Variants in ANO6 observed in about 807,000 individuals in gnomAD.
ANO6 encodes the protein anoctamin 6, also known as anoctamin-6.
Under a neutral mutation model 117.5 loss-of-function variants are expected in ANO6, and 106 were observed. The ratio of observed to expected loss-of-function variants is 0.90; its 90% CI spans 0.77 to 1.06. The LOEUF (loss-of-function observed/expected upper bound fraction) is 1.06. Ranked by LOEUF, ANO6 falls within the 50% of genes least tolerant of loss-of-function variation. The pLI, the probability that ANO6 is intolerant of heterozygous loss-of-function variation, is 0.00. For missense variants in ANO6, 955 were observed against 1,121.1 expected (o/e 0.85, Z 2.12); for synonymous variants, 367 against 385.1 (o/e 0.95, Z 0.55).
At chr12:45,218,385 T>C (rs561312872) in intron 1 of ANO6, among the ~76,000 whole-genome samples, 367 of 147,710 alleles carry the variant, frequency 2.5e-3, no homozygotes, top group African/African-American at 8.7e-3. Flanking sequence ...TGTTTCTTTC[T>C]TTCTCTTTTT....
intron 2 of ANO6, among the ~76,000 whole-genome samples, chr12:45,309,322 T>C (rs1939775087): frequency 6.6e-6 from 1 of 152,036 alleles, no homozygotes; most frequent in South Asian, 2.1e-4. Flanking sequence ...AGCTGGGAAT[T>C]TGGAAATTAT....
Position 45,429,053 on chromosome 12 carries a change from G to A in ANO6, c.2527-52G>A, listed in dbSNP as rs1943572458. The A allele has an allele frequency of 2.6e-5, 42 of 1,595,614 alleles. 1 individual carries two copies. The highest frequency in any genetic ancestry group is 2.0e-4 in the South Asian group (18 of 89,074). On this transcript the variant is annotated intron_variant, in intron 19 of 19. Coordinates refer to ENST00000320560, the MANE Select transcript of ANO6 (RefSeq NM_001025356.3). ...GACAAGCAAGAATGAAAGGAACTCG[G>A]TGTTCTCCTCCATTTCTTTGTGAGT...
At chr12:45,434,671 G>C (rs1306704897), downstream of ANO6, among the ~76,000 whole-genome samples, 1 of 152,102 alleles carries the variant, frequency 6.6e-6, no homozygotes, top group Non-Finnish European at 1.5e-5. Flanking sequence ...TTAACAGAAG[G>C]CTCCCTGTCC....
At chr12:45,423,537 A>C (rs894090696) in intron 19 of ANO6, among the ~76,000 whole-genome samples, 3 of 152,230 alleles carry the variant, frequency 2.0e-5, no homozygotes, top group African/African-American at 4.8e-5. Context: ...TCAGAGTTTA[A>C]TTGCTTAATT....
At chr12:45,290,984 A>C (rs2137276515) in intron 1 of ANO6, among the ~76,000 whole-genome samples, 1 of 152,322 alleles carries the variant, frequency 6.6e-6, no homozygotes, top group Non-Finnish European at 1.5e-5. Context: ...AAATAAACCC[A>C]CATGTCAATG....
intron 1 of ANO6, among the ~76,000 whole-genome samples, chr12:45,242,698 C>T (rs1216618469): frequency 3.9e-5 from 6 of 152,162 alleles, no homozygotes; most frequent in Admixed American, 2.6e-4. Flanking sequence ...CCTATTCGGC[C>T]GTCTTGGAAC....
exon 20 of ANO6, chr12:45,439,952 T>G: frequency 2.1e-6 from 3 of 1,461,552 alleles, no homozygotes; most frequent in Non-Finnish European, 2.7e-6. Flanking sequence ...TATTCAATAA[T>G]TCATTCAACA....
chr12:45,336,606 C>T (rs1286454479), intron 3 of ANO6, among the ~76,000 whole-genome samples: 2 of 151,964 alleles, frequency 1.3e-5, no homozygotes, highest in Admixed American at 6.6e-5. Context: ...CTGGTATAAA[C>T]AAACCTATTA....
intron 1 of ANO6, among the ~76,000 whole-genome samples, chr12:45,265,253 C>T (rs1938176920): frequency 6.6e-6 from 1 of 152,064 alleles, no homozygotes; most frequent in Non-Finnish European, 1.5e-5. Flanking sequence ...TCTCTTCCTC[C>T]CGTGTTGGAT....
intron 8 of ANO6, among the ~76,000 whole-genome samples, chr12:45,364,417 G>T (rs1299941515): frequency 6.6e-6 from 1 of 152,008 alleles, no homozygotes; most frequent in Non-Finnish European, 1.5e-5. Context: ...TTTTCTCTGG[G>T]ACTTCTATAA....
chr12:45,291,346 C>CAAAAAAAAAAAAA (rs747924513), intron 1 of ANO6, among the ~76,000 whole-genome samples: 1 of 48,232 alleles, frequency 2.1e-5, no homozygotes, highest in African/African-American at 8.2e-5. Context: ...AACTCCGTCT[C>CAAAAAAAAAAAAA]AAAAAAAAAA....
chr12:45,438,659 T>C (rs1347321499), intron 19 of ANO6, among the ~76,000 whole-genome samples: 5 of 152,150 alleles, frequency 3.3e-5, no homozygotes, highest in Non-Finnish European at 7.4e-5. Flanking sequence ...TATGTAAATA[T>C]TTCAAAATTC....
intron 1 of ANO6, among the ~76,000 whole-genome samples, chr12:45,295,643 C>T (rs1220704635): frequency 6.6e-6 from 1 of 152,062 alleles, no homozygotes; most frequent in East Asian, 1.9e-4. Flanking sequence ...CTCACTGCAA[C>T]CTCTGCTTCC....
chr12:45,377,820 C>T (rs1489949590), intron 9 of ANO6, among the ~76,000 whole-genome samples: 3 of 152,158 alleles, frequency 2.0e-5, no homozygotes, highest in Admixed American at 6.6e-5. Context: ...TGCAGAGTTT[C>T]ACTGGAAAAT....
intron 7 of ANO6, among the ~76,000 whole-genome samples, chr12:45,352,286 C>G (rs1941298790): frequency 6.6e-6 from 1 of 152,100 alleles, no homozygotes; most frequent in Admixed American, 6.5e-5. Context: ...ATTATAAACT[C>G]ATAGCTAATC....
intron 1 of ANO6, chr12:45,270,330 C>G: frequency 1.6e-6 from 2 of 1,248,408 alleles, no homozygotes; most frequent in Non-Finnish European, 2.0e-6. Context: ...CAAAAATGGT[C>G]AAATGGCTTG....
chr12:45,423,784 T>TTG (rs1324988959), intron 19 of ANO6, among the ~76,000 whole-genome samples: 1 of 152,172 alleles, frequency 6.6e-6, no homozygotes, highest in Non-Finnish European at 1.5e-5. Context: ...AAAAATTACA[T>TTG]GCAAAGCAGG....
chr12:45,297,449 A>G (rs1340347402), intron 1 of ANO6, among the ~76,000 whole-genome samples: 2 of 152,372 alleles, frequency 1.3e-5, no homozygotes, highest in Non-Finnish European at 2.9e-5. Context: ...GCCAGTTTAT[A>G]TAAGTCTCAA....
intron 17 of ANO6, among the ~76,000 whole-genome samples, chr12:45,420,247 T>A (rs186888753): frequency 2.6e-5 from 4 of 152,298 alleles, no homozygotes; most frequent in Non-Finnish European, 5.9e-5. Context: ...ACATGCAGTT[T>A]ACCTTCTGTG....
Sources: gnomAD v4.1 joint callset for allele counts (sites outside exome capture counted in the v4.1 genomes callset) on GRCh38, gnomAD v4.1.1 for gene constraint, MANE v1.5 for transcripts, NCBI Gene and HGNC (gene_info 2026-07-23, HGNC 2026-07-21) for gene names.